Variants in CRB1 observed in about 807,000 individuals in gnomAD.
CRB1 encodes the protein protein crumbs homolog 1.
CRB1 carries 83 observed loss-of-function variants against 120.0 expected under a neutral mutation model. That is an observed-to-expected ratio of 0.69 (90% CI 0.58 to 0.83). The LOEUF is 0.83. CRB1 is among the 40% of genes least tolerant of loss of function. CRB1 has a pLI of 0.00. For synonymous variants in CRB1, 625 were observed against 612.5 expected (o/e 1.02, Z -0.30); for missense variants, 1,699 against 1,687.6 (o/e 1.01, Z -0.12).
intron 5 of CRB1, among the ~76,000 whole-genome samples, chr1:197,387,986 ATC>A (rs200901704): frequency 2.6e-5 from 4 of 151,062 alleles, no homozygotes; most frequent in African/African-American, 7.3e-5. Context: ...GTGTAAACTC[ATC>A]TCTCTCTCTC....
At chr1:197,221,130 T>C in the CRB1 span, among the ~76,000 whole-genome samples, 1 of 152,116 alleles carries the variant, frequency 6.6e-6, no homozygotes, top group Non-Finnish European at 1.5e-5. Flanking sequence ...GGATAGAGTA[T>C]AATTAGGAAA....
the CRB1 span, chr1:197,223,243 T>C: frequency 1.9e-6 from 2 of 1,062,896 alleles, no homozygotes; most frequent in Non-Finnish European, 2.9e-6. Flanking sequence ...ACCAGAAGAT[T>C]CGAATAGATT....
At chr1:197,303,161 T>C (rs1014687287) in intron 1 of CRB1, among the ~76,000 whole-genome samples, 1 of 151,684 alleles carries the variant, frequency 6.6e-6, no homozygotes, top group African/African-American at 2.4e-5. Context: ...CTTTAAGTTT[T>C]AGGGTACATG....
rs1169390652 is a variant in CRB1, at chr1:197,478,094, G to A, written c.*215G>A. 1 of 582,916 alleles carries A rather than the reference G, an allele frequency of 1.7e-6. No individual in the cohort carries two copies. The highest frequency in any genetic ancestry group is 3.0e-6 in the Non-Finnish European group (1 of 328,308). The allele number at this position is 582,916 out of a possible 1,614,324, so 36.1% of individuals were successfully genotyped here. On this transcript the variant is annotated 3_prime_UTR_variant, in exon 12 of 12. Transcript: ENST00000367400. ...TATCAGCCAATTGCAAAAAAAGTCT[G>A]TGCCAGTAATTTCAGCCTTATAATT... is the stretch of plus-strand genomic sequence containing the variant.
At chr1:197,395,164 G>A (rs1407581464) in intron 5 of CRB1, among the ~76,000 whole-genome samples, 2 of 152,126 alleles carry the variant, frequency 1.3e-5, no homozygotes, top group African/African-American at 4.8e-5. Flanking sequence ...CAGAGTACAT[G>A]CAGCAGAAAA....
intron 1 of CRB1, among the ~76,000 whole-genome samples, chr1:197,283,447 G>C (rs1296906381): frequency 6.6e-6 from 1 of 151,634 alleles, no homozygotes; most frequent in Non-Finnish European, 1.5e-5. Context: ...TTATGCCTTT[G>C]CGTCCTCATA....
chr1:197,271,240 TATC>T (rs1254650644), intron 1 of CRB1, among the ~76,000 whole-genome samples: 1 of 152,124 alleles, frequency 6.6e-6, no homozygotes, highest in African/African-American at 2.4e-5. Flanking sequence ...CAGTTATTAA[TATC>T]ATATTAATTG....
At chr1:197,425,360 T>C (rs1336033131) in intron 6 of CRB1, among the ~76,000 whole-genome samples, 1 of 152,178 alleles carries the variant, frequency 6.6e-6, no homozygotes, top group Admixed American at 6.5e-5. Flanking sequence ...AAATATAGCC[T>C]TTTATGCAGA....
At chr1:197,322,175 T>C (rs1658235618) in intron 1 of CRB1, among the ~76,000 whole-genome samples, 1 of 152,090 alleles carries the variant, frequency 6.6e-6, no homozygotes, top group African/African-American at 2.4e-5. Context: ...AAAGTGTAAA[T>C]ATTTCATTAA....
At chr1:197,322,477 A>T (rs1658258987) in intron 1 of CRB1, among the ~76,000 whole-genome samples, 1 of 151,156 alleles carries the variant, frequency 6.6e-6, no homozygotes, top group South Asian at 2.1e-4. Flanking sequence ...AATAATAATA[A>T]TAATAATAAT....
chr1:197,279,340 A>G (rs1177822926), intron 1 of CRB1, among the ~76,000 whole-genome samples: 3 of 151,846 alleles, frequency 2.0e-5, no homozygotes, highest in African/African-American at 7.2e-5. Flanking sequence ...TTCACAGACT[A>G]GGAGCCTTAA....
intron 5 of CRB1, among the ~76,000 whole-genome samples, chr1:197,389,983 G>A (rs1662412796): frequency 1.3e-5 from 2 of 151,982 alleles, no homozygotes; most frequent in Admixed American, 1.3e-4. Flanking sequence ...CATCAAATGT[G>A]CAACTCAAAA....
At chr1:197,453,539 T>TATAG (rs1553266395) in intron 11 of CRB1, among the ~76,000 whole-genome samples, 114 of 58,496 alleles carry the variant, frequency 1.9e-3, no homozygotes, top group African/African-American at 4.5e-3. Flanking sequence ...TATATATATA[T>TATAG]AGAGAGAGAG....
Position 197,427,829 on chromosome 1 carries a change from T to C in CRB1, c.2504T>C (p.Leu835Pro). The C allele has an allele frequency of 1.2e-6, 2 of 1,614,064 alleles. No homozygotes were observed. The highest frequency in any genetic ancestry group is 1.7e-6 in the Non-Finnish European group (2 of 1,179,992). Residue 835 changes from leucine to proline, a missense_variant, in exon 7 of 12, where the codon CTA becomes CCA. Coordinates refer to ENST00000367400, the MANE Select transcript of CRB1 (RefSeq NM_201253.3). ...EKGDVIYIGG[L>P]PDKQETELNG... ...GGAGATGTCATCTACATTGGTGGCC[T>C]ACCTGACAAGCAAGAGACTGAACTT... is the stretch of plus-strand genomic sequence containing the variant.
In CRB1 at chr1:197,427,987, G is replaced by A. The variant is rs771067367; in HGVS notation, c.2662G>A (p.Asp888Asn). The stretch of plus-strand genomic sequence containing the variant: ...CAATGTAACCCAAGGCTGTGCTGGA[G>A]ACAACAGCTGCAAGGTAATGATTAC... ...LVNVTQGCAG[D>N]NSCKSNPCHN... Residue 888 changes from aspartate (D) to asparagine (N), a missense_variant, in exon 7 of 12, where the codon GAC (aspartate) becomes AAC (asparagine). Asp to Asn is a conservative substitution (Grantham distance 23, BLOSUM62 1). Coordinates refer to ENST00000367400, the MANE Select transcript of CRB1 (RefSeq NM_201253.3). 6.2e-7 allele frequency: 1 copy of A among 1,613,704 alleles called. No individual in the cohort carries two copies. Among genetic ancestry groups the A allele is most frequent in the East Asian group, 2.2e-5 (1 of 44,878 alleles).
intron 11 of CRB1, among the ~76,000 whole-genome samples, chr1:197,454,063 C>A (rs2125536991): frequency 6.7e-6 from 1 of 150,202 alleles, no homozygotes; most frequent in Non-Finnish European, 1.5e-5. Flanking sequence ...CAGGCTCAAG[C>A]AATCCTCCTG....
the CRB1 span, among the ~76,000 whole-genome samples, chr1:197,209,152 C>G: frequency 6.6e-6 from 1 of 152,180 alleles, no homozygotes; most frequent in African/African-American, 2.4e-5. Flanking sequence ...TACTAGCCTC[C>G]CAACTGAGAA....
chr1:197,368,479 T>C (rs1333055760), intron 5 of CRB1, among the ~76,000 whole-genome samples: 1 of 152,248 alleles, frequency 6.6e-6, no homozygotes, highest in Non-Finnish European at 1.5e-5. Flanking sequence ...CTGCAATAAC[T>C]AGGACAGGTA....
At chr1:197,430,618 G>C (rs974110771) in intron 8 of CRB1, among the ~76,000 whole-genome samples, 3 of 152,004 alleles carry the variant, frequency 2.0e-5, no homozygotes, top group African/African-American at 7.2e-5. Flanking sequence ...AGATTCACAG[G>C]TCACCTTTGT....
Sources: allele counts gnomAD v4.1 joint callset (sites outside exome capture counted in the v4.1 genomes callset), GRCh38; gene constraint gnomAD v4.1.1; transcripts MANE v1.5; gene names NCBI Gene and HGNC (gene_info 2026-07-23, HGNC 2026-07-21).